CORO2A: variants seen among roughly 807,000 people sequenced by gnomAD.
CORO2A encodes the protein coronin-2A.
In CORO2A, 47 loss-of-function variants were observed where a neutral mutation model predicts 62.4. The ratio of observed to expected loss-of-function variants is 0.75; its 90% CI spans 0.60 to 0.96. CORO2A has a LOEUF of 0.96. Ranked by LOEUF, CORO2A falls within the 40% of genes least tolerant of loss-of-function variation. The probability of loss-of-function intolerance (pLI) is 0.00; values close to 1 mark genes in which losing one functional copy is unlikely to be tolerated. For synonymous variants in CORO2A, 273 were observed against 268.9 expected (o/e 1.02, Z -0.15); for missense variants, 610 against 684.1 (o/e 0.89, Z 1.21).
At chr9:98,180,493 T>C (rs1392786079) in intron 1 of CORO2A, among the ~76,000 whole-genome samples, 1 of 152,150 alleles carries the variant, frequency 6.6e-6, no homozygotes, top group Admixed American at 6.5e-5. Context: ...GGAGAGTCAC[T>C]TCTGAGCTAC....
At chr9:98,187,031 G>A (rs1037224061) in intron 1 of CORO2A, among the ~76,000 whole-genome samples, 4 of 152,122 alleles carry the variant, frequency 2.6e-5, no homozygotes, top group Non-Finnish European at 5.9e-5. Flanking sequence ...TGTAATCCCA[G>A]CACTTTGGGA....
intron 1 of CORO2A, among the ~76,000 whole-genome samples, chr9:98,158,697 T>C (rs1294966283): frequency 6.6e-6 from 1 of 151,920 alleles, no homozygotes; most frequent in East Asian, 1.9e-4. Context: ...AACTAAACAG[T>C]GACTTGGAGG....
intron 4 of CORO2A, among the ~76,000 whole-genome samples, chr9:98,133,608 T>C (rs948554195): frequency 6.6e-6 from 1 of 152,148 alleles, no homozygotes; most frequent in South Asian, 2.1e-4. Flanking sequence ...TCCATTCCTA[T>C]AGACTAGGAC....
chr9:98,133,313 C>T, intron 4 of CORO2A, 96 bp from the exon 5 acceptor site: 7 of 1,265,724 alleles, frequency 5.5e-6, no homozygotes, highest in South Asian at 4.1e-5. Flanking sequence ...CACAGTATCC[C>T]TGGGAGGGTG....
chr9:98,188,789 A>G (rs537264355), intron 1 of CORO2A, among the ~76,000 whole-genome samples: 20 of 152,224 alleles, frequency 1.3e-4, no homozygotes, highest in African/African-American at 4.1e-4. Flanking sequence ...CAACAACAAC[A>G]AAAAACAACA....
intron 1 of CORO2A, among the ~76,000 whole-genome samples, chr9:98,158,878 G>A (rs1021718329): frequency 2.1e-4 from 32 of 151,970 alleles, no homozygotes; most frequent in Middle Eastern, 3.4e-3. Flanking sequence ...ATTGGGTAAC[G>A]TGAATGAAGA....
chr9:98,124,812 C>A lies in CORO2A; in HGVS notation c.1540G>T (p.Glu514Ter), dbSNP rs760782519. The change falls in exon 12 of 12, where the codon GAG becomes TAG. Residue 514 changes from glutamate (E) to a stop codon, truncating the protein, a stop_gained. Coordinates refer to ENST00000375077, the MANE Select transcript of CORO2A (RefSeq NM_052820.4). LOFTEE classifies it high-confidence loss of function. ...REVQAKQLEL[E>*]IKNLRMGSEQ... ...GAGCCCATCCGCAAGTTTTTGATCT[C>A]CAGTTCCAACTGTTTGGCCTGGACC... 2.5e-6 allele frequency: 4 copies of A among 1,611,276 alleles called. No homozygotes were observed. Among genetic ancestry groups the A allele is most frequent in the South Asian group, 1.1e-5 (1 of 90,282 alleles).
At chr9:98,142,881 C>CCTGCCCTGGG (rs1283808169) in intron 2 of CORO2A, among the ~76,000 whole-genome samples, 1 of 145,196 alleles carries the variant, frequency 6.9e-6, no homozygotes, top group Non-Finnish European at 1.5e-5. Flanking sequence ...CCTGCGCTGC[C>CCTGCCCTGGG]CTGCCCTGGG....
chr9:98,168,938 A>T (rs1449918151), intron 1 of CORO2A, among the ~76,000 whole-genome samples: 1 of 152,156 alleles, frequency 6.6e-6, no homozygotes, highest in Admixed American at 6.5e-5. Context: ...GCATTTGTGC[A>T]TCTCTCCGGG....
In CORO2A at chr9:98,124,865, C is replaced by G; in HGVS notation, c.1487G>C (p.Arg496Thr). The G allele has an allele frequency of 6.3e-7, 1 of 1,587,112 alleles. No individual in the cohort carries two copies. The highest frequency in any genetic ancestry group is 8.6e-7 in the Non-Finnish European group (1 of 1,164,530). Residue 496 changes from arginine (R) to threonine (T), a missense_variant, in exon 12 of 12, where the codon AGG (arginine) becomes ACG (threonine). Arg to Thr is a moderately conservative substitution (Grantham distance 71). Transcript: ENST00000375077. ...MFYRQQEEIR[R>T]LRELLTQREV... ...TCGCTGGGTCAACAGCTCCCGGAGC[C>G]TTCGGATCTCCTCCTGTTGCCGGTA...
intron 7 of CORO2A, 81 bp from the exon 8 acceptor site, chr9:98,129,971 A>G: frequency 9.2e-7 from 1 of 1,082,836 alleles, no homozygotes; most frequent in Non-Finnish European, 1.4e-6. Context: ...CCATGCAGCA[A>G]AGACCTGGCT....
chr9:98,131,399 C>A (rs1349635034), intron 6 of CORO2A, among the ~76,000 whole-genome samples: 3 of 150,828 alleles, frequency 2.0e-5, no homozygotes, highest in Non-Finnish European at 4.4e-5. Flanking sequence ...GATCATAGCT[C>A]ACTGCAGTCT....
At chr9:98,158,788 A>G (rs1827840958) in intron 1 of CORO2A, among the ~76,000 whole-genome samples, 1 of 151,976 alleles carries the variant, frequency 6.6e-6, no homozygotes, top group Non-Finnish European at 1.5e-5. Flanking sequence ...GTTTGGGGGA[A>G]CCACATGTGG....
chr9:98,126,451 C>A lies in CORO2A; in HGVS notation c.1446+98G>T, dbSNP rs1228086984. 9 of 1,478,346 alleles carry A rather than the reference C, an allele frequency of 6.1e-6. No homozygotes were observed. The Admixed American group carries it at 1.9e-4, about 31-fold the overall frequency. 91.6% of individuals were successfully genotyped at this position (1,478,346 alleles called of 1,614,324 possible). On this transcript the variant is annotated intron_variant, in intron 11 of 11. Coordinates refer to ENST00000375077, the MANE Select transcript of CORO2A (RefSeq NM_052820.4). ...AGGCCAGGCCACACAGCTGGTTATT[C>A]TTCTCATGCCTCATTTTCTCCCTTC...
chr9:98,181,000 A>G (rs1828168851), intron 1 of CORO2A, among the ~76,000 whole-genome samples: 1 of 152,150 alleles, frequency 6.6e-6, no homozygotes, highest in Non-Finnish European at 1.5e-5. Flanking sequence ...GCTCACTCTT[A>G]TCAACACCCT....
rs1333562369 is a variant in CORO2A at position 98,124,596 on chromosome 9, G to C, written c.*178C>G. ...AATTCAGAAACTGTTGTTGCAAGAA[G>C]GCAAACAGAAAAACGGCACCATGTC... is the stretch of plus-strand genomic sequence containing the variant. On this transcript the variant is annotated 3_prime_UTR_variant, in exon 12 of 12. Coordinates refer to ENST00000375077, the MANE Select transcript of CORO2A (RefSeq NM_052820.4). The C allele has an allele frequency of 2.4e-5, 14 of 572,578 alleles. No homozygotes were observed. Among genetic ancestry groups the C allele is most frequent in the Middle Eastern group, 4.9e-4 (1 of 2,060 alleles). 35.5% of individuals were successfully genotyped at this position (572,578 alleles called of 1,614,324 possible). A position where few individuals can be genotyped will look rare whatever the true frequency, so the allele number is the denominator to read the frequency against.
intron 1 of CORO2A, among the ~76,000 whole-genome samples, chr9:98,162,598 G>C (rs1484978876): frequency 6.6e-6 from 1 of 152,222 alleles, no homozygotes; most frequent in Non-Finnish European, 1.5e-5. Flanking sequence ...GCATGGAAGT[G>C]TATGTGTATA....
Position 98,152,136 on chromosome 9 carries a change from T to TTTTG in CORO2A, c.201+5323_201+5324insCAAA, listed in dbSNP as rs1554744729. On this transcript the variant is annotated intron_variant, in intron 2 of 11. Coordinates refer to ENST00000375077, the MANE Select transcript of CORO2A (RefSeq NM_052820.4). ...CCGGCCTCTTTTGCTGTTTTTTTTT[T>TTTTG]TTGTTTTTTCTTTAAGGGACATTTT... Among the ~76,000 whole-genome samples, 314 of 145,006 alleles carry TTTTG rather than the reference T, an allele frequency of 2.2e-3. 1 individual carries two copies. The highest frequency in any genetic ancestry group is 7.5e-3 in the African/African-American group (305 of 40,496).
At position 98,129,896 on chromosome 9, in the gene CORO2A, G is replaced by A; in HGVS notation, c.871-6C>T. 1 of 1,610,272 alleles carries A rather than the reference G, an allele frequency of 6.2e-7. No homozygotes were observed. Among genetic ancestry groups the A allele is most frequent in the Middle Eastern group, 1.7e-4 (1 of 6,056 alleles). ...TAGCGGATGTTGCCATCTCCCTGAG[G>A]AGGAGGAGAAGGAAGAGGAGGGTGA... On this transcript the variant is annotated splice_region_variant and splice_polypyrimidine_tract_variant and intron_variant, in intron 7 of 11. Coordinates refer to ENST00000375077, the MANE Select transcript of CORO2A (RefSeq NM_052820.4).
Sources: allele counts gnomAD v4.1 joint callset (sites outside exome capture counted in the v4.1 genomes callset), GRCh38; gene constraint gnomAD v4.1.1; transcripts MANE v1.5; gene names NCBI Gene and HGNC (gene_info 2026-07-23, HGNC 2026-07-21).